Variants in CHD1 observed in about 807,000 individuals in gnomAD.
CHD1 encodes chromodomain helicase DNA binding protein 1, also known as ATP-dependent chromatin remodeler CHD1.
A neutral mutation model predicts 224.2 loss-of-function variants in CHD1; 36 were observed. The observed-to-expected ratio is 0.16, with a 90% CI of 0.12 to 0.21. CHD1 has a LOEUF of 0.21. Among genes scored for constraint, CHD1 ranks in the 10% least tolerant of loss-of-function variants. CHD1 has a pLI of 1.00. For missense variants in CHD1, 1,378 were observed against 1,994.8 expected (o/e 0.69, Z 5.89); for synonymous variants, 668 against 658.3 (o/e 1.01, Z -0.23).
intron 4 of CHD1, 146 bp from the exon 5 acceptor site, chr5:98,903,110 A>G: frequency 2.0e-6 from 1 of 504,422 alleles, no homozygotes. Flanking sequence ...ATTTATGTTA[A>G]CTAGCTGAAA....
intron 35 of CHD1, among the ~76,000 whole-genome samples, chr5:98,856,947 C>T (rs1748080900): frequency 6.6e-6 from 1 of 152,056 alleles, no homozygotes. Flanking sequence ...ATACAAAACC[C>T]CTAAAATAGC....
chr5:98,919,709 C>T (rs146391610), intron 2 of CHD1, among the ~76,000 whole-genome samples: 4 of 152,056 alleles, frequency 2.6e-5, no homozygotes, highest in South Asian at 4.1e-4. Flanking sequence ...TTGGAGCCAT[C>T]GGTATGAACT....
chr5:98,902,940 C>A lies in CHD1; in HGVS notation c.397G>T (p.Asp133Tyr). Residue 133 changes from aspartate to tyrosine, a missense_variant, in exon 5 of 36, where the codon GAT becomes TAT. Asp to Tyr is a radical substitution (Grantham distance 160, BLOSUM62 -3). Transcript: ENST00000614616. ...CTTTTGACCTCACTTGATGAGTCAT[C>A]GGAATCTTCACTGCTAGAGGAATCC... is the stretch of plus-strand genomic sequence containing the variant. ...EEDSSSSEDS[D>Y]DSSSEVKRKK... 1 of 1,604,292 alleles carries A rather than the reference C, an allele frequency of 6.2e-7. No individual in the cohort carries two copies. The highest frequency in any genetic ancestry group is 8.5e-7 in the Non-Finnish European group (1 of 1,173,242).
chr5:98,858,724 T>C (rs1186937986), intron 34 of CHD1: 1 of 425,826 alleles, frequency 2.3e-6, no homozygotes, highest in Non-Finnish European at 4.1e-6. Flanking sequence ...CATTCTACAA[T>C]TTCTAGAAAC....
In CHD1 at chr5:98,854,313, T is replaced by C. The variant is rs542610258; in HGVS notation, c.*2067A>G. ...CACTATTTAAAAAATTAGAGCCTTA[T>C]CTCAGAAAATGCAACATTGTTCTGT... On this transcript the variant is annotated 3_prime_UTR_variant, in exon 36 of 36. Coordinates refer to ENST00000614616, the MANE Select transcript of CHD1 (RefSeq NM_001270.4). 2.0e-5 allele frequency: 3 copies of C among 152,022 alleles called. No individual in the cohort carries two copies. In the East Asian group the frequency reaches 5.8e-4, roughly 29 times the overall value. 9.4% of individuals were successfully genotyped at this position (152,022 alleles called of 1,614,324 possible).
At chr5:98,923,769 G>C (rs1282958936) in intron 2 of CHD1, among the ~76,000 whole-genome samples, 1 of 151,910 alleles carries the variant, frequency 6.6e-6, no homozygotes, top group African/African-American at 2.4e-5. Flanking sequence ...ACTCCTCCTC[G>C]CTTTAGATAT....
chr5:98,899,062 G>C (rs191441994), intron 8 of CHD1, among the ~76,000 whole-genome samples: 1 of 152,038 alleles, frequency 6.6e-6, no homozygotes, highest in Admixed American at 6.6e-5. Context: ...CTACCTGCAG[G>C]GGATTGGTTG....
In CHD1 at chr5:98,856,616, A is replaced by T; in HGVS notation, c.4897T>A (p.Ser1633Thr). Residue 1633 changes from serine to threonine, a missense_variant, in exon 36 of 36, where the codon TCT (serine) becomes ACT (threonine). By Grantham distance (58) the Ser-to-Thr change is moderately conservative. Transcript: ENST00000614616. Reference sequence around the variant, plus strand: ...GAATGTAACCGATGATCTGAGTGAGAACGATGATCAGAATGAGATCTATCT... The same window carrying T: ...GAATGTAACCGATGATCTGAGTGAGTACGATGATCAGAATGAGATCTATCT... ...LKDRSHSDHR[S>T]HSDHRLHSDH... 6.2e-7 allele frequency: 1 copy of T among 1,613,264 alleles called. No individual in the cohort carries two copies. Among genetic ancestry groups the T allele is most frequent in the Non-Finnish European group, 8.5e-7 (1 of 1,179,268 alleles).
At chr5:98,902,187 A>T (rs1403906229) in intron 5 of CHD1, among the ~76,000 whole-genome samples, 1 of 152,126 alleles carries the variant, frequency 6.6e-6, no homozygotes, top group East Asian at 1.9e-4. Flanking sequence ...TAGGAGGACC[A>T]GAGAGATTTG....
chr5:98,904,576 A>G (rs576276983), intron 3 of CHD1, among the ~76,000 whole-genome samples: 2 of 152,364 alleles, frequency 1.3e-5, no homozygotes, highest in East Asian at 3.9e-4. Flanking sequence ...TAAGGTTAAC[A>G]AGTAGACCTC....
rs1329416457 is a variant in CHD1 at position 98,869,892 on chromosome 5, A to ATTATT, written c.3979-15_3979-11dup. The ATTATT allele has an allele frequency of 6.3e-7, 1 of 1,574,952 alleles. No individual in the cohort carries two copies. Among genetic ancestry groups the ATTATT allele is most frequent in the Non-Finnish European group, 8.7e-7 (1 of 1,153,126 alleles). On this transcript the variant is annotated splice_polypyrimidine_tract_variant and intron_variant, in intron 29 of 35. Transcript: ENST00000614616. ...TCCTCTTTGAACTTCCCTAAAAATC[A>ATTATT]TTATTTTAATTTTAACCAATTCTAC... is the stretch of plus-strand genomic sequence containing the variant.
intron 32 of CHD1, among the ~76,000 whole-genome samples, chr5:98,862,715 T>C (rs570953988): frequency 2.0e-5 from 3 of 152,208 alleles, no homozygotes; most frequent in Non-Finnish European, 4.4e-5. Flanking sequence ...GCCCTAATTA[T>C]AAGGATTCAA....
chr5:98,917,913 G>C (rs972204976), intron 2 of CHD1, among the ~76,000 whole-genome samples: 17 of 152,132 alleles, frequency 1.1e-4, no homozygotes, highest in Non-Finnish European at 2.4e-4. Flanking sequence ...TATACAAGTT[G>C]ATTCTGGTAC....
intron 2 of CHD1, among the ~76,000 whole-genome samples, chr5:98,909,272 T>G (rs1752239616): frequency 6.6e-6 from 1 of 152,186 alleles, no homozygotes; most frequent in Non-Finnish European, 1.5e-5. Context: ...GTGTTATCAT[T>G]TAACATATTT....
chr5:98,872,659 T>A, intron 26 of CHD1, 104 bp from the exon 27 acceptor site: 2 of 924,580 alleles, frequency 2.2e-6, no homozygotes, highest in Non-Finnish European at 3.4e-6. Context: ...ACAATAAGTA[T>A]TCCTTATTTA....
At chr5:98,862,552 T>C (rs1748560399) in intron 32 of CHD1, among the ~76,000 whole-genome samples, 1 of 152,246 alleles carries the variant, frequency 6.6e-6, no homozygotes, top group East Asian at 1.9e-4. Context: ...TTTATTTTAC[T>C]TAAAATTTTA....
intron 20 of CHD1, 138 bp from the exon 21 acceptor site, chr5:98,881,513 T>C (rs819025): frequency 0.078 from 9,289 of 118,816 alleles, 694 homozygotes; most frequent in African/African-American, 0.23. Flanking sequence ...ATTAGAATCC[T>C]TTTTTTTTTT....
chr5:98,890,186 A>G (rs999219519), intron 15 of CHD1, among the ~76,000 whole-genome samples: 3 of 152,198 alleles, frequency 2.0e-5, no homozygotes, highest in Non-Finnish European at 4.4e-5. Context: ...TTTAAAAAAG[A>G]AAAGAAAAAT....
At chr5:98,901,402 G>A in intron 5 of CHD1, 67 bp from the exon 6 acceptor site, 2 of 1,294,766 alleles carry the variant, frequency 1.5e-6, no homozygotes, top group Non-Finnish European at 2.1e-6. Context: ...CTAATACAAA[G>A]ATGATCAAAT....
Sources: allele counts gnomAD v4.1 joint callset (sites outside exome capture counted in the v4.1 genomes callset), GRCh38; gene constraint gnomAD v4.1.1; transcripts MANE v1.5; gene names NCBI Gene and HGNC (gene_info 2026-07-23, HGNC 2026-07-21).